Variants in TMEM196 observed in about 807,000 individuals in gnomAD.
TMEM196 encodes transmembrane protein 196.
Under a neutral mutation model 20.0 loss-of-function variants are expected in TMEM196, and 17 were observed. That is an observed-to-expected ratio of 0.85 (90% CI 0.58 to 1.27). The LOEUF (loss-of-function observed/expected upper bound fraction) is 1.27. Ranked by LOEUF, TMEM196 falls within the 50% of genes most tolerant of loss-of-function variation. The pLI, the probability that TMEM196 is intolerant of heterozygous loss-of-function variation, is 0.00. For missense variants in TMEM196, 267 were observed against 223.0 expected (o/e 1.20, Z -1.26); for synonymous variants, 113 against 88.9 (o/e 1.27, Z -1.52).
intron 1 of TMEM196, among the ~76,000 whole-genome samples, chr7:19,747,211 C>A (rs1784786866): frequency 6.7e-6 from 1 of 148,952 alleles, no homozygotes; most frequent in Non-Finnish European, 1.5e-5. Flanking sequence ...GCCGAGATCG[C>A]GCCACTGCAC....
At chr7:19,757,965 C>CTTT (rs35641139) in intron 1 of TMEM196, among the ~76,000 whole-genome samples, 17 of 141,998 alleles carry the variant, frequency 1.2e-4, no homozygotes, top group Admixed American at 4.9e-4. Context: ...TATATATATA[C>CTTT]TTTTTTTTTT....
intron 1 of TMEM196, among the ~76,000 whole-genome samples, chr7:19,742,177 A>T (rs1784605108): frequency 6.6e-6 from 1 of 152,142 alleles, no homozygotes; most frequent in Non-Finnish European, 1.5e-5. Flanking sequence ...ATCAGAATAC[A>T]TTTTTAAATA....
chr7:19,765,799 T>A (rs1785604916), intron 1 of TMEM196, among the ~76,000 whole-genome samples: 1 of 152,172 alleles, frequency 6.6e-6, no homozygotes. Context: ...TTTTGGTACA[T>A]TTTCATAGTT....
At chr7:19,761,532 T>C (rs1280197428) in intron 1 of TMEM196, among the ~76,000 whole-genome samples, 1 of 152,196 alleles carries the variant, frequency 6.6e-6, no homozygotes, top group African/African-American at 2.4e-5. Flanking sequence ...GTTTATGTGA[T>C]AAGGTGTTCC....
intron 1 of TMEM196, among the ~76,000 whole-genome samples, chr7:19,760,499 TAC>T (rs537015266): frequency 2.5e-4 from 38 of 151,802 alleles, no homozygotes; most frequent in Non-Finnish European, 4.4e-4. Context: ...TAGCCGGGAT[TAC>T]AGACATATGC....
chr7:19,731,751 G>A (rs1302190333), intron 1 of TMEM196, among the ~76,000 whole-genome samples: 1 of 152,134 alleles, frequency 6.6e-6, no homozygotes, highest in African/African-American at 2.4e-5. Flanking sequence ...TTGCTATTTT[G>A]TATTATCTCA....
At position 19,720,110 on chromosome 7, in the gene TMEM196, T is replaced by A. The variant is rs1397404802; in HGVS notation, c.*2018A>T. 2.6e-5 allele frequency: 4 copies of A among 152,088 alleles called. No homozygotes were observed. The highest frequency in any genetic ancestry group is 7.2e-5 in the African/African-American group (3 of 41,460). The allele number at this position is 152,088 out of a possible 1,614,324, so 9.4% of individuals were successfully genotyped here. On this transcript the variant is annotated 3_prime_UTR_variant, in exon 5 of 5. Coordinates refer to ENST00000405844, the MANE Select transcript of TMEM196 (RefSeq NM_001363562.2). ...CTTCATGATGTAATTTAGATTTTCATTGGCAAAGATCATGCCTGTTTGTGG... is the reference window on the plus strand; with the variant it reads ...CTTCATGATGTAATTTAGATTTTCAATGGCAAAGATCATGCCTGTTTGTGG...
intron 1 of TMEM196, among the ~76,000 whole-genome samples, chr7:19,759,886 C>T (rs1785367564): frequency 6.6e-6 from 1 of 152,086 alleles, no homozygotes; most frequent in African/African-American, 2.4e-5. Flanking sequence ...TTGTATCATA[C>T]ATCTTAGTAG....
At chr7:19,747,334 T>C (rs1162962958) in intron 1 of TMEM196, among the ~76,000 whole-genome samples, 1 of 151,916 alleles carries the variant, frequency 6.6e-6, no homozygotes, top group Non-Finnish European at 1.5e-5. Context: ...TTTGTGGTGA[T>C]TTTTACTCTC....
chr7:19,736,543 C>T (rs1187865592), intron 1 of TMEM196, among the ~76,000 whole-genome samples: 1 of 151,466 alleles, frequency 6.6e-6, no homozygotes, highest in Non-Finnish European at 1.5e-5. Flanking sequence ...GGGTAGGACT[C>T]AGACATCATT....
chr7:19,750,571 G>T (rs1784921947), intron 1 of TMEM196, among the ~76,000 whole-genome samples: 1 of 152,038 alleles, frequency 6.6e-6, no homozygotes. Context: ...ATACTTTTAA[G>T]CAGTGGTCCT....
chr7:19,728,422 T>C (rs1362095641), intron 2 of TMEM196, among the ~76,000 whole-genome samples: 1 of 152,204 alleles, frequency 6.6e-6, no homozygotes, highest in African/African-American at 2.4e-5. Context: ...TCCCTTTATG[T>C]AATTTTTAAA....
intron 1 of TMEM196, among the ~76,000 whole-genome samples, chr7:19,761,514 A>G (rs1219918878): frequency 6.6e-6 from 1 of 152,164 alleles, no homozygotes; most frequent in Non-Finnish European, 1.5e-5. Context: ...AAAATGTACA[A>G]CAGACACGTT....
At chr7:19,764,855 C>A (rs766127314) in intron 1 of TMEM196, among the ~76,000 whole-genome samples, 2 of 152,060 alleles carry the variant, frequency 1.3e-5, no homozygotes, top group Non-Finnish European at 2.9e-5. Context: ...TGGGACTTAG[C>A]CTTTAAGACA....
intron 1 of TMEM196, among the ~76,000 whole-genome samples, chr7:19,739,365 C>T (rs1293051940): frequency 6.6e-6 from 1 of 151,958 alleles, no homozygotes; most frequent in East Asian, 1.9e-4. Context: ...AAGGAGAAAA[C>T]TTAAAAACAT....
intron 3 of TMEM196, among the ~76,000 whole-genome samples, chr7:19,725,018 T>G (rs1783942692): frequency 1.3e-5 from 2 of 152,234 alleles, no homozygotes; most frequent in South Asian, 4.1e-4. Flanking sequence ...GAGAATTAAA[T>G]GAAGCTTTAT....
chr7:19,722,983 G>C (rs1439466329), intron 4 of TMEM196, among the ~76,000 whole-genome samples: 1 of 151,920 alleles, frequency 6.6e-6, no homozygotes, highest in Non-Finnish European at 1.5e-5. Flanking sequence ...TAAATTGGCA[G>C]CATCTTTCCA....
At chr7:19,754,411 C>G (rs1024103845) in intron 1 of TMEM196, among the ~76,000 whole-genome samples, 2 of 152,044 alleles carry the variant, frequency 1.3e-5, no homozygotes, top group Non-Finnish European at 2.9e-5. Flanking sequence ...AATTGATTCA[C>G]TGGAAGCAGA....
intron 1 of TMEM196, among the ~76,000 whole-genome samples, chr7:19,756,852 G>C (rs1331858579): frequency 6.6e-6 from 1 of 151,970 alleles, no homozygotes; most frequent in Non-Finnish European, 1.5e-5. Flanking sequence ...TATCACTGAT[G>C]GGCAATTAGG....
Sources: gnomAD v4.1 joint callset for allele counts (sites outside exome capture counted in the v4.1 genomes callset) on GRCh38, gnomAD v4.1.1 for gene constraint, MANE v1.5 for transcripts, NCBI Gene and HGNC (gene_info 2026-07-23, HGNC 2026-07-21) for gene names.